Variants in PATJ observed in about 807,000 individuals in gnomAD.
PATJ encodes the protein inaD-like protein.
A neutral mutation model predicts 224.9 loss-of-function variants in PATJ; 190 were observed. That is an observed-to-expected ratio of 0.84 (90% confidence interval 0.75 to 0.95). The LOEUF is 0.95. Ranked by LOEUF, PATJ falls within the 40% of genes least tolerant of loss-of-function variation. The pLI is 0.00. For missense variants in PATJ, 2,121 were observed against 2,270.3 expected (o/e 0.93, Z 1.34); for synonymous variants, 769 against 820.3 (o/e 0.94, Z 1.07).
chr1:61,742,539 C>T lies in PATJ; in HGVS notation c.-52C>T, dbSNP rs1192147988. On this transcript the variant is annotated 5_prime_UTR_variant, in exon 1 of 44. Transcript: ENST00000642238. ...CCCGCCCGACCCGGGCTCCCACCTG[C>T]TCCTCCAGCGCACCAGGTAAAGCGT... is the stretch of plus-strand genomic sequence containing the variant. 1 of 152,540 alleles carries T rather than the reference C, an allele frequency of 6.6e-6. No homozygotes were observed. The highest frequency in any genetic ancestry group is 1.5e-5 in the Non-Finnish European group (1 of 68,342). The allele number at this position is 152,540 out of a possible 1,614,324, so 9.4% of individuals were successfully genotyped here.
rs768554885 is a variant in PATJ at position 62,108,499 on chromosome 1, G to A, written c.4440G>A (p.Trp1480Ter). The change falls in exon 34 of 44, where the codon TGG (tryptophan) becomes TGA (stop). Residue 1480 changes from tryptophan (W) to a stop codon, truncating the protein, a stop_gained. Transcript: ENST00000642238. LOFTEE classifies it high-confidence loss of function. ...CAGCAGCCAGAGATGGAAGACTTTGGGCTGGTGACCAGATATTAGAGGTAT... is the reference window on the plus strand; with the variant it reads ...CAGCAGCCAGAGATGGAAGACTTTGAGCTGGTGACCAGATATTAGAGGTAT... ...EGAAARDGRL[W>*]AGDQILEVNG... is the part of the protein sequence containing the mutation. 1.9e-6 allele frequency: 3 copies of A among 1,608,194 alleles called. No homozygotes were observed. Among genetic ancestry groups the A allele is most frequent in the Admixed American group, 1.7e-5 (1 of 59,922 alleles).
At chr1:61,853,519 A>G (rs1663164297) in intron 17 of PATJ, among the ~76,000 whole-genome samples, 2 of 152,184 alleles carry the variant, frequency 1.3e-5, no homozygotes, top group South Asian at 4.1e-4. Flanking sequence ...ATAAGCTATT[A>G]TGTAGTCTCC....
At chr1:61,744,598 A>G (rs1327977950) in intron 1 of PATJ, among the ~76,000 whole-genome samples, 7 of 152,202 alleles carry the variant, frequency 4.6e-5, no homozygotes, top group African/African-American at 1.4e-4. Flanking sequence ...TCCAGATCCT[A>G]TTAGGAGTAA....
rs907620900 is a variant in PATJ, at chr1:62,153,302, T to A, written c.5379-56T>A. The A allele has an allele frequency of 7.5e-6, 9 of 1,192,754 alleles. No individual in the cohort carries two copies. In the African/African-American group the frequency reaches 1.4e-4, roughly 19 times the overall value. 73.9% of individuals were successfully genotyped at this position (1,192,754 alleles called of 1,614,324 possible). A position where few individuals can be genotyped will look rare whatever the true frequency, so the allele number is the denominator to read the frequency against. ...TCAAATCTGTATTCTTCCAATTAAA[T>A]GAAATTCCCTCTCAATATCTATTCT... On this transcript the variant is annotated intron_variant, in intron 42 of 43. Coordinates refer to ENST00000642238, the MANE Select transcript of PATJ (RefSeq NM_001350145.3).
At chr1:62,023,517 G>A (rs979690995) in intron 29 of PATJ, among the ~76,000 whole-genome samples, 12 of 152,174 alleles carry the variant, frequency 7.9e-5, no homozygotes, top group African/African-American at 2.9e-4. Flanking sequence ...ATAAACAATA[G>A]TCTAGTACCT....
intron 33 of PATJ, among the ~76,000 whole-genome samples, chr1:62,098,582 G>A (rs1282814003): frequency 1.4e-5 from 2 of 147,158 alleles, no homozygotes; most frequent in African/African-American, 2.5e-5. Flanking sequence ...ATAACGGAGT[G>A]AGACCGTGTC....
In PATJ at chr1:61,761,302, C is replaced by T. The variant is rs1426774612; in HGVS notation, c.-35-1556C>T. Among the ~76,000 whole-genome samples the T allele has an allele frequency of 2.6e-5, 4 of 152,056 alleles. No individual in the cohort carries two copies. The East Asian group carries it at 5.8e-4, about 22-fold the overall frequency. On this transcript the variant is annotated intron_variant, in intron 1 of 43. Coordinates refer to ENST00000642238, the MANE Select transcript of PATJ (RefSeq NM_001350145.3). ...TTCAATAAATTTTGATAAGTATATA[C>T]ATCTGTGTAAACCATACCCCCTTCA...
intron 38 of PATJ, 134 bp downstream of exon 38, chr1:62,121,429 T>C (rs530162574): frequency 1.9e-5 from 12 of 630,372 alleles, no homozygotes; most frequent in African/African-American, 1.3e-4. Flanking sequence ...TAAGCTGAGC[T>C]TTCTGAAAGG....
At chr1:62,089,548 TAA>T (rs1164488551) in intron 33 of PATJ, among the ~76,000 whole-genome samples, 1 of 152,110 alleles carries the variant, frequency 6.6e-6, no homozygotes, top group Non-Finnish European at 1.5e-5. Flanking sequence ...TCAAAAGCCA[TAA>T]GTTAGACTCA....
intron 27 of PATJ, among the ~76,000 whole-genome samples, chr1:61,958,252 C>A (rs1680711736): frequency 6.6e-6 from 1 of 152,114 alleles, no homozygotes; most frequent in Non-Finnish European, 1.5e-5. Flanking sequence ...TTATTTCTAA[C>A]TCTCTGTTAA....
chr1:61,898,497 C>G (rs141037984), intron 22 of PATJ, among the ~76,000 whole-genome samples: 2 of 151,964 alleles, frequency 1.3e-5, no homozygotes, highest in Non-Finnish European at 2.9e-5. Context: ...CTTGACCTCC[C>G]GAAGCACTGG....
intron 30 of PATJ, among the ~76,000 whole-genome samples, chr1:62,047,990 A>C (rs1652859225): frequency 6.6e-6 from 1 of 152,254 alleles, no homozygotes; most frequent in Non-Finnish European, 1.5e-5. Context: ...GAAAAGGAAG[A>C]ACGAGAGAGA....
At chr1:62,014,562 CTTTTTT>C (rs35711547) in intron 28 of PATJ, among the ~76,000 whole-genome samples, 30 of 84,530 alleles carry the variant, frequency 3.5e-4, no homozygotes, top group Admixed American at 6.7e-4. Context: ...CTTTTCTTTC[CTTTTTT>C]TTTTTTTTTT....
At position 62,116,662 on chromosome 1, in the gene PATJ, G is replaced by A; in HGVS notation, c.4786G>A (p.Val1596Met). ...EDMRNASQET[V>M]ATILKCAQGL... is the part of the protein sequence containing the mutation. ...CATGAGAAATGCCTCACAGGAGACA[G>A]TGGCCACCATCCTCAAGGTGAGTTG... Residue 1596 changes from valine to methionine, a missense_variant, in exon 36 of 44, where the codon GTG becomes ATG. Transcript: ENST00000642238. 6.2e-7 allele frequency: 1 copy of A among 1,610,912 alleles called. No homozygotes were observed. The highest frequency in any genetic ancestry group is 8.5e-7 in the Non-Finnish European group (1 of 1,178,664).
chr1:62,024,548 A>C (rs1647409583), intron 29 of PATJ, among the ~76,000 whole-genome samples: 1 of 152,056 alleles, frequency 6.6e-6, no homozygotes, highest in African/African-American at 2.4e-5. Context: ...TGAGATGGTC[A>C]TCAGGGATGA....
intron 27 of PATJ, among the ~76,000 whole-genome samples, chr1:61,965,121 CAAAAAAAAAAAAAAAAAAAAAAAAAA>C (rs34267345): frequency 5.5e-5 from 3 of 54,372 alleles, no homozygotes; most frequent in South Asian, 6.4e-4. Context: ...GACTCTGTCT[CAAAAAAAAAAAAAAAAAAAAAAAAAA>C]AAAAAAAAAA....
intron 33 of PATJ, among the ~76,000 whole-genome samples, chr1:62,106,378 G>A (rs1410703036): frequency 6.6e-6 from 1 of 150,506 alleles, no homozygotes; most frequent in Non-Finnish European, 1.5e-5. Context: ...GGCTGAAGCA[G>A]GAGGATTACC....
At chr1:62,055,040 C>T (rs1282113525) in intron 31 of PATJ, among the ~76,000 whole-genome samples, 3 of 151,526 alleles carry the variant, frequency 2.0e-5, no homozygotes, top group South Asian at 4.2e-4. Context: ...GGCAACAGAG[C>T]GAGACTGTGT....
chr1:62,098,410 C>G (rs1457145704), intron 33 of PATJ, among the ~76,000 whole-genome samples: 1 of 150,894 alleles, frequency 6.6e-6, no homozygotes, highest in Non-Finnish European at 1.5e-5. Context: ...CCCTGGCCAA[C>G]ATGGCGAAAC....
Sources: allele counts gnomAD v4.1 joint callset (sites outside exome capture counted in the v4.1 genomes callset), GRCh38; gene constraint gnomAD v4.1.1; transcripts MANE v1.5; gene names NCBI Gene and HGNC (gene_info 2026-07-23, HGNC 2026-07-21).